Variants in IMMP2L observed in about 807,000 individuals in gnomAD.
IMMP2L encodes the protein inner mitochondrial membrane peptidase subunit 2, also known as mitochondrial inner membrane protease subunit 2.
In IMMP2L, 18 loss-of-function variants were observed where a neutral mutation model predicts 19.3. The observed-to-expected ratio is 0.93, with a 90% CI of 0.64 to 1.38. The LOEUF is 1.38. Ranked by LOEUF, IMMP2L falls within the 40% of genes most tolerant of loss-of-function variation. The pLI is 0.00. For synonymous variants in IMMP2L, 76 were observed against 73.0 expected, an observed-to-expected ratio of 1.04 and a Z score of -0.21; for missense variants, 233 against 218.2, an observed-to-expected ratio of 1.07 and a Z score of -0.43.
At chr7:110,876,262 T>C (rs1809056005) in intron 5 of IMMP2L, among the ~76,000 whole-genome samples, 1 of 152,106 alleles carries the variant, frequency 6.6e-6, no homozygotes, top group East Asian at 1.9e-4. Context: ...GGGAATTGTC[T>C]ATACCTTTTG....
chr7:111,115,233 T>C (rs1440572585), intron 3 of IMMP2L, among the ~76,000 whole-genome samples: 2 of 152,124 alleles, frequency 1.3e-5, no homozygotes, highest in East Asian at 1.9e-4. Flanking sequence ...TATTGTAAAT[T>C]AGAATTCCCC....
Position 110,870,785 on chromosome 7 carries a change from G to C in IMMP2L, c.408+15808C>G, listed in dbSNP as rs571559453. Among the ~76,000 whole-genome samples the C allele has an allele frequency of 3.3e-5, 5 of 152,178 alleles. No homozygotes were observed. Among genetic ancestry groups the C allele is most frequent in the Non-Finnish European group, 5.9e-5 (4 of 68,028 alleles). On this transcript the variant is annotated intron_variant, in intron 5 of 5. Transcript: ENST00000405709. This position sits in a 1 kb window ranked among gnomAD's most constrained non-coding sequence, Gnocchi z 4.2. Reference sequence around the variant, plus strand: ...GAGATGGAGAGGCCATACAATGTGAGGGCCCTAAAGGCCATGGTCAAGGGA... The same window carrying C: ...GAGATGGAGAGGCCATACAATGTGACGGCCCTAAAGGCCATGGTCAAGGGA...
intron 4 of IMMP2L, among the ~76,000 whole-genome samples, chr7:110,947,434 G>C (rs1817375220): frequency 6.6e-6 from 1 of 152,138 alleles, no homozygotes; most frequent in South Asian, 2.1e-4. Context: ...AGCTGTATTA[G>C]ATTTAGAATT....
chr7:111,326,998 T>C (rs1825386093), intron 3 of IMMP2L, among the ~76,000 whole-genome samples: 1 of 151,768 alleles, frequency 6.6e-6, no homozygotes, highest in Non-Finnish European at 1.5e-5. Context: ...AAGGAAAACG[T>C]AGTACATTTA....
chr7:111,351,209 G>C (rs565677112), intron 3 of IMMP2L, among the ~76,000 whole-genome samples: 1 of 152,158 alleles, frequency 6.6e-6, no homozygotes, highest in Non-Finnish European at 1.5e-5. Context: ...ATTTATTTTT[G>C]AGACGGAGTC....
intron 1 of IMMP2L, among the ~76,000 whole-genome samples, chr7:111,542,836 A>G (rs777368201): frequency 3.3e-5 from 5 of 152,170 alleles, no homozygotes; most frequent in Non-Finnish European, 5.9e-5. Flanking sequence ...TAAACTTCAC[A>G]ATTACTGAAG....
At chr7:110,767,345 T>C (rs555314569) in intron 5 of IMMP2L, among the ~76,000 whole-genome samples, 1 of 152,312 alleles carries the variant, frequency 6.6e-6, no homozygotes, top group East Asian at 1.9e-4. Flanking sequence ...ATTACTTTAA[T>C]TTACTTTCAG....
intron 1 of IMMP2L, among the ~76,000 whole-genome samples, chr7:111,534,847 G>A (rs1480070385): frequency 6.6e-6 from 1 of 152,080 alleles, no homozygotes; most frequent in African/African-American, 2.4e-5. Flanking sequence ...TACCAACGAA[G>A]AAATGCAAAG....
chr7:110,674,485 A>G (rs1042803601), intron 5 of IMMP2L, among the ~76,000 whole-genome samples: 1 of 152,226 alleles, frequency 6.6e-6, no homozygotes, highest in African/African-American at 2.4e-5. Flanking sequence ...AATATTTTGT[A>G]AGCAGGAGAA....
chr7:111,039,151 A>T (rs1270751853), intron 3 of IMMP2L, among the ~76,000 whole-genome samples: 1 of 152,184 alleles, frequency 6.6e-6, no homozygotes, highest in Non-Finnish European at 1.5e-5. Context: ...ATCATTTTTC[A>T]CATATGAGTT....
chr7:110,850,626 C>A (rs369375182), intron 5 of IMMP2L, among the ~76,000 whole-genome samples: 11 of 151,850 alleles, frequency 7.2e-5, no homozygotes, highest in Middle Eastern at 6.8e-3. Context: ...CTGGGCTAAG[C>A]CCCAATTTTA....
chr7:110,853,269 AC>A (rs1322507557), intron 5 of IMMP2L, among the ~76,000 whole-genome samples: 3 of 152,018 alleles, frequency 2.0e-5, no homozygotes, highest in Non-Finnish European at 4.4e-5. Context: ...TACTTTATAC[AC>A]ATATGTATTC....
rs529806027 is a variant in IMMP2L, at chr7:110,878,577, A to G, written c.408+8016T>C. On this transcript the variant is annotated intron_variant, in intron 5 of 5. Transcript: ENST00000405709. Reference sequence around the variant, plus strand: ...ATTAACATATATTTAAATTATCTATACTAAATACAGTTAAATATTATTTTA... The same window carrying G: ...ATTAACATATATTTAAATTATCTATGCTAAATACAGTTAAATATTATTTTA... Among the ~76,000 whole-genome samples, 3 of 152,182 alleles carry G rather than the reference A, an allele frequency of 2.0e-5. No homozygotes were observed. In the South Asian group the frequency reaches 6.2e-4, roughly 32 times the overall value.
intron 5 of IMMP2L, among the ~76,000 whole-genome samples, chr7:110,739,152 T>C (rs1384996300): frequency 2.0e-5 from 3 of 151,942 alleles, no homozygotes; most frequent in African/African-American, 7.2e-5. Flanking sequence ...AATAAGACAA[T>C]GAAAAATATC....
At chr7:111,362,977 A>T (rs533608442) in intron 3 of IMMP2L, among the ~76,000 whole-genome samples, 1 of 152,188 alleles carries the variant, frequency 6.6e-6, no homozygotes, top group Admixed American at 6.6e-5. Context: ...ATTCCTTCAA[A>T]ATCAACTATG....
intron 3 of IMMP2L, among the ~76,000 whole-genome samples, chr7:111,040,026 G>C (rs536099553): frequency 6.6e-6 from 1 of 152,150 alleles, no homozygotes; most frequent in Non-Finnish European, 1.5e-5. Context: ...TTAGCTGGGC[G>C]TGGTGGCACA....
chr7:111,543,608 A>C (rs1356144064), intron 1 of IMMP2L, among the ~76,000 whole-genome samples: 3 of 152,116 alleles, frequency 2.0e-5, no homozygotes, highest in African/African-American at 4.8e-5. Flanking sequence ...GTTACCCTAA[A>C]ATTAAATTTT....
chr7:110,803,530 G>A lies in IMMP2L; in HGVS notation c.408+83063C>T, dbSNP rs1308778857. On this transcript the variant is annotated intron_variant, in intron 5 of 5. Coordinates refer to ENST00000405709, the MANE Select transcript of IMMP2L (RefSeq NM_032549.4). The surrounding 1 kb of genome is among the most constrained non-coding windows in gnomAD (Gnocchi z 4.2). The stretch of plus-strand genomic sequence containing the variant: ...GAGAAGGAGAAAGGAGAATGAGGCT[G>A]AGAGGGAAGTCAGTTGACACCACTA... 6.6e-6 allele frequency among the ~76,000 whole-genome samples: 1 copy of A among 152,052 alleles called. No individual in the cohort carries two copies. The highest frequency in any genetic ancestry group is 2.4e-5 in the African/African-American group (1 of 41,398).
At chr7:111,300,967 T>C (rs915935182) in intron 3 of IMMP2L, among the ~76,000 whole-genome samples, 2 of 152,134 alleles carry the variant, frequency 1.3e-5, no homozygotes, top group Non-Finnish European at 2.9e-5. Context: ...AGAGTGCAAT[T>C]GCTGGGTCGT....
Sources: gnomAD v4.1 joint callset for allele counts (sites outside exome capture counted in the v4.1 genomes callset) on GRCh38, gnomAD v4.1.1 for gene constraint, Gnocchi (gnomAD v3.1) non-coding constraint, MANE v1.5 for transcripts, NCBI Gene and HGNC (gene_info 2026-07-23, HGNC 2026-07-21) for gene names.